Variants in CACNG4 observed in about 807,000 individuals in gnomAD.
CACNG4 encodes the protein calcium voltage-gated channel auxiliary subunit gamma 4, also known as voltage-dependent calcium channel gamma-4 subunit.
A neutral mutation model predicts 22.9 loss-of-function variants in CACNG4; 8 were observed. The ratio of observed to expected loss-of-function variants is 0.35; its 90% confidence interval spans 0.21 to 0.63. The LOEUF is 0.63. Ranked by LOEUF, CACNG4 falls within the 30% of genes least tolerant of loss-of-function variation. The pLI, the probability that CACNG4 is intolerant of heterozygous loss-of-function variation, is 0.72. For synonymous variants in CACNG4, 188 were observed against 191.9 expected (o/e 0.98, Z 0.17); for missense variants, 357 against 455.4 (o/e 0.78, Z 1.97).
intron 1 of CACNG4, among the ~76,000 whole-genome samples, chr17:66,996,839 C>A (rs533714309): frequency 5.3e-5 from 8 of 152,126 alleles, no homozygotes; most frequent in Admixed American, 5.2e-4. Context: ...CAGACCATTA[C>A]GAGAATGCAA....
At chr17:67,023,125 C>T (rs2035541787) in intron 2 of CACNG4, among the ~76,000 whole-genome samples, 2 of 152,098 alleles carry the variant, frequency 1.3e-5, no homozygotes. Flanking sequence ...TGGGTCTCTG[C>T]CTCCGTCTTC....
chr17:67,024,803 CG>C, intron 2 of CACNG4, 56 bp from the exon 3 acceptor site: 1 of 1,434,640 alleles, frequency 7.0e-7, no homozygotes, highest in East Asian at 2.7e-5. Context: ...CAGCCATGCC[CG>C]GGAGGGCACC....
chr17:67,024,372 A>G (rs2143367677), intron 2 of CACNG4, among the ~76,000 whole-genome samples: 1 of 152,360 alleles, frequency 6.6e-6, no homozygotes, highest in East Asian at 1.9e-4. Flanking sequence ...CCAAGGCTAC[A>G]CAGCCAGCAT....
At chr17:66,988,497 C>T (rs80094321) in intron 1 of CACNG4, among the ~76,000 whole-genome samples, 3,332 of 152,226 alleles carry the variant, frequency 0.022, 46 homozygotes, top group Middle Eastern at 0.062. Context: ...CTCTTGGCTC[C>T]GCGTGTCTGC....
At chr17:67,000,061 A>T (rs1598113590) in intron 1 of CACNG4, among the ~76,000 whole-genome samples, 1 of 152,154 alleles carries the variant, frequency 6.6e-6, no homozygotes, top group Non-Finnish European at 1.5e-5. Flanking sequence ...TAATCAGGTG[A>T]TGAATGTGGC....
At chr17:67,025,877 C>T (rs973177723) in intron 3 of CACNG4, among the ~76,000 whole-genome samples, 4 of 152,264 alleles carry the variant, frequency 2.6e-5, no homozygotes, top group South Asian at 2.1e-4. Flanking sequence ...GCTCTGCAGC[C>T]GCCATTGGGG....
chr17:66,965,158 C>CCACA (rs756757561), intron 1 of CACNG4, 27 bp downstream of exon 1: 1 of 703,724 alleles, frequency 1.4e-6, no homozygotes, highest in Non-Finnish European at 1.9e-6. Context: ...CCCCTCGCCG[C>CCACA]CCCACACACA....
intron 1 of CACNG4, among the ~76,000 whole-genome samples, chr17:67,017,600 C>T (rs1331419624): frequency 6.6e-6 from 1 of 152,020 alleles, no homozygotes; most frequent in African/African-American, 2.4e-5. Context: ...TCACTGCAAC[C>T]TCTGCCTCCC....
chr17:66,967,381 T>C (rs2035177133), intron 1 of CACNG4, among the ~76,000 whole-genome samples: 8 of 152,172 alleles, frequency 5.3e-5, no homozygotes, highest in Admixed American at 5.2e-4. Flanking sequence ...TCAAGATTCC[T>C]TGGCTAGAAT....
chr17:67,008,494 A>G (rs1014637658), intron 1 of CACNG4, among the ~76,000 whole-genome samples: 21 of 152,180 alleles, frequency 1.4e-4, no homozygotes, highest in Non-Finnish European at 2.4e-4. Context: ...TGGGGAATCA[A>G]GGAGCCTCGA....
At chr17:67,010,688 C>T (rs138811415) in intron 1 of CACNG4, among the ~76,000 whole-genome samples, 8 of 152,324 alleles carry the variant, frequency 5.3e-5, no homozygotes, top group Non-Finnish European at 1.0e-4. Flanking sequence ...CCCACCTCCT[C>T]CATGAAGTCC....
At position 67,024,879 on chromosome 17, in the gene CACNG4, C is replaced by A; in HGVS notation, c.324C>A (p.Ser108Arg). 2 of 1,575,806 alleles carry A rather than the reference C, an allele frequency of 1.3e-6. No individual in the cohort carries two copies. The highest frequency in any genetic ancestry group is 8.6e-7 in the Non-Finnish European group (1 of 1,162,990). ...EYLLRIVRAS[S>R]VFPILSTILL... Reference sequence around the variant, plus strand: ...GGCCAGGCATCGTGCGAGCCTCCAGCGTCTTCCCCATCCTCAGCACCATCC... The same window carrying A: ...GGCCAGGCATCGTGCGAGCCTCCAGAGTCTTCCCCATCCTCAGCACCATCC... The change falls in exon 3 of 4, where the codon AGC becomes AGA. Residue 108 changes from serine (S) to arginine (R), a missense_variant. Physicochemically the swap from Ser to Arg is moderately radical, Grantham distance 110. Transcript: ENST00000262138.
chr17:66,995,676 C>T (rs1366475765), intron 1 of CACNG4, among the ~76,000 whole-genome samples: 1 of 152,024 alleles, frequency 6.6e-6, no homozygotes, highest in Non-Finnish European at 1.5e-5. Context: ...ATGGTGAAAC[C>T]CCGTCTCTAC....
chr17:66,985,830 A>G (rs1012838908), intron 1 of CACNG4, among the ~76,000 whole-genome samples: 8 of 152,198 alleles, frequency 5.3e-5, no homozygotes, highest in Non-Finnish European at 1.0e-4. Context: ...TGGCAGTAGC[A>G]CAGAGTGGGA....
intron 3 of CACNG4, among the ~76,000 whole-genome samples, chr17:67,029,506 C>T (rs548066393): frequency 1.6e-3 from 225 of 145,130 alleles, no homozygotes; most frequent in Non-Finnish European, 1.4e-3. Flanking sequence ...TGGTGGCGGG[C>T]GCCTGTAATC....
intron 1 of CACNG4, among the ~76,000 whole-genome samples, chr17:66,990,486 G>T (rs1384919389): frequency 6.6e-6 from 1 of 152,002 alleles, no homozygotes; most frequent in Admixed American, 6.6e-5. Context: ...GTATCTTTCG[G>T]GCCATCTTAG....
intron 3 of CACNG4, among the ~76,000 whole-genome samples, chr17:67,028,614 G>A (rs1208236790): frequency 6.6e-6 from 1 of 151,992 alleles, no homozygotes; most frequent in South Asian, 2.1e-4. Context: ...TACGTCAGGC[G>A]CCCTGTGTGC....
At chr17:66,992,764 C>T (rs2035348988) in intron 1 of CACNG4, among the ~76,000 whole-genome samples, 1 of 152,234 alleles carries the variant, frequency 6.6e-6, no homozygotes, top group Non-Finnish European at 1.5e-5. Context: ...AGCTGGACTT[C>T]CCAGACACTA....
rs577289359 is a variant in CACNG4 at position 66,972,702 on chromosome 17, G to C, written c.220+7571G>C. Among the ~76,000 whole-genome samples, 440 of 152,292 alleles carry C rather than the reference G, an allele frequency of 2.9e-3. 4 individuals are homozygous for C. Among genetic ancestry groups the C allele is most frequent in the African/African-American group, 0.01 (427 of 41,552 alleles). On this transcript the variant is annotated intron_variant, in intron 1 of 3. Coordinates refer to ENST00000262138, the MANE Select transcript of CACNG4 (RefSeq NM_014405.4). ...GCACTTTGGGAGGCCAAGGCAGGTG[G>C]ATCACCTGAGGTCAGGAGTTCAAGA...
Sources: allele counts gnomAD v4.1 joint callset (sites outside exome capture counted in the v4.1 genomes callset), GRCh38; gene constraint gnomAD v4.1.1; transcripts MANE v1.5; gene names NCBI Gene and HGNC (gene_info 2026-07-23, HGNC 2026-07-21).